Variants in MAK16 observed in about 807,000 individuals in gnomAD.
MAK16 encodes the protein protein MAK16 homolog.
Under a neutral mutation model 49.9 loss-of-function variants are expected in MAK16, and 12 were observed. The observed-to-expected ratio is 0.24, with a 90% CI of 0.15 to 0.39. MAK16 has a LOEUF of 0.39. Among genes scored for constraint, MAK16 ranks in the 10% least tolerant of loss-of-function variants. The pLI is 1.00. For synonymous variants in MAK16, 115 were observed against 126.4 expected, an observed-to-expected ratio of 0.91 and a Z score of 0.60; for missense variants, 292 against 363.7, an observed-to-expected ratio of 0.80 and a Z score of 1.60.
intron 9 of MAK16, among the ~76,000 whole-genome samples, chr8:33,497,549 A>G (rs145759473): frequency 0.012 from 1,846 of 151,924 alleles, 44 homozygotes; most frequent in African/African-American, 0.042. Context: ...CTAGAGTGCC[A>G]TAGTGCAATC....
chr8:33,497,639 T>C (rs1808896375), intron 9 of MAK16, among the ~76,000 whole-genome samples: 1 of 151,874 alleles, frequency 6.6e-6, no homozygotes, highest in Non-Finnish European at 1.5e-5. Context: ...ATTACAGGCA[T>C]GTGCCACTCC....
intron 6 of MAK16, among the ~76,000 whole-genome samples, chr8:33,494,869 C>T (rs1447098721): frequency 2.6e-5 from 4 of 152,070 alleles, no homozygotes; most frequent in Non-Finnish European, 4.4e-5. Flanking sequence ...AGTTCCGCCT[C>T]CTGGGTTCAC....
chr8:33,486,576 G>T (rs1467040826), intron 1 of MAK16, among the ~76,000 whole-genome samples: 2 of 152,292 alleles, frequency 1.3e-5, no homozygotes, highest in Admixed American at 1.3e-4. Flanking sequence ...TTTTAAAAAC[G>T]AAAGTGGCTT....
intron 6 of MAK16, among the ~76,000 whole-genome samples, chr8:33,492,537 CTT>C (rs1488895099): frequency 6.6e-6 from 1 of 152,078 alleles, no homozygotes; most frequent in Non-Finnish European, 1.5e-5. Flanking sequence ...AGTTGGAGGT[CTT>C]AGTTTTTTAA....
At chr8:33,486,123 G>T (rs1808683204) in intron 1 of MAK16, among the ~76,000 whole-genome samples, 1 of 152,218 alleles carries the variant, frequency 6.6e-6, no homozygotes, top group African/African-American at 2.4e-5. Flanking sequence ...ATGCTTGCCA[G>T]GGCGAGGTCA....
chr8:33,495,711 TTTTTTTTTTTTTTTTTTTTTTTTG>T lies in MAK16; in HGVS notation c.522+96_522+119del, dbSNP rs1808847700. On this transcript the variant is annotated intron_variant, in intron 7 of 9. Coordinates refer to ENST00000360128, the MANE Select transcript of MAK16 (RefSeq NM_032509.4). Reference sequence around the variant, plus strand: ...TTTTTTTTTTTTTTTTTTTTTTTTTTTTTTTTTTTTTTTTTTTTTTTTTGAGATGGAGTCTTGCTTTGTTGCCCA... The same window carrying T: ...TTTTTTTTTTTTTTTTTTTTTTTTTTAGATGGAGTCTTGCTTTGTTGCCCA... 7 of 529,862 alleles carry T rather than the reference TTTTTTTTTTTTTTTTTTTTTTTTG, an allele frequency of 1.3e-5. No homozygotes were observed. The African/African-American group carries it at 2.0e-4, about 15-fold the overall frequency. The allele number at this position is 529,862 out of a possible 1,614,324, so 32.8% of individuals were successfully genotyped here.
chr8:33,490,184 C>T, intron 5 of MAK16, 101 bp from the exon 6 acceptor site: 3 of 929,194 alleles, frequency 3.2e-6, no homozygotes, highest in East Asian at 5.0e-5. Context: ...CATGAGTAGA[C>T]TTCCATTTTA....
At position 33,499,771 on chromosome 8, in the gene MAK16, T is replaced by G. The variant is rs1808997087; in HGVS notation, c.*1142T>G. 6.1e-6 allele frequency: 1 copy of G among 163,184 alleles called. No individual in the cohort carries two copies. The highest frequency in any genetic ancestry group is 2.4e-5 in the African/African-American group (1 of 41,486). The allele number at this position is 163,184 out of a possible 1,614,324, so 10.1% of individuals were successfully genotyped here. Reference sequence around the variant, plus strand: ...AAAGATTTCTAAAAGGGGTAAGAAATGAGGCAGTAGTTTATTAAATACATA... The same window carrying G: ...AAAGATTTCTAAAAGGGGTAAGAAAGGAGGCAGTAGTTTATTAAATACATA... On this transcript the variant is annotated 3_prime_UTR_variant, in exon 10 of 10. Transcript: ENST00000360128.
Position 33,498,665 on chromosome 8 carries a change from G to T in MAK16, c.*36G>T. ...AGCATTTATACCCAGGACTGAACATGCAGAACTGTTTTTTTTTTTTTTTTA... is the reference window on the plus strand; with the variant it reads ...AGCATTTATACCCAGGACTGAACATTCAGAACTGTTTTTTTTTTTTTTTTA... On this transcript the variant is annotated 3_prime_UTR_variant, in exon 10 of 10. Transcript: ENST00000360128. 1 of 1,440,156 alleles carries T rather than the reference G, an allele frequency of 6.9e-7. No homozygotes were observed. The highest frequency in any genetic ancestry group is 9.5e-7 in the Non-Finnish European group (1 of 1,055,242). The allele number at this position is 1,440,156 out of a possible 1,614,324, so 89.2% of individuals were successfully genotyped here. A position where few individuals can be genotyped will look rare whatever the true frequency, so the allele number is the denominator to read the frequency against.
chr8:33,490,639 T>C (rs1226556491), intron 6 of MAK16, among the ~76,000 whole-genome samples: 2 of 152,222 alleles, frequency 1.3e-5, no homozygotes, highest in African/African-American at 2.4e-5. Context: ...TTGCATATTT[T>C]ACATACTACA....
intron 1 of MAK16, 106 bp downstream of exon 1, chr8:33,485,327 G>A: frequency 6.8e-7 from 1 of 1,460,762 alleles, no homozygotes; most frequent in Non-Finnish European, 9.6e-7. Context: ...GCCTCGTGCC[G>A]CTCTGGATGT....
chr8:33,486,773 G>T lies in MAK16; in HGVS notation c.15+1552G>T, dbSNP rs77769813. Among the ~76,000 whole-genome samples the T allele has an allele frequency of 3.7e-3, 564 of 152,256 alleles. 14 individuals are homozygous for T. The East Asian group carries it at 0.072, about 20-fold the overall frequency. On this transcript the variant is annotated intron_variant, in intron 1 of 9. Transcript: ENST00000360128. ...TATTTATTGAAGTGGGGGAACTCTA[G>T]GGAAGACTGTTCTTACGAGGGATGT...
chr8:33,495,818 G>C (rs1808850687), intron 7 of MAK16, among the ~76,000 whole-genome samples: 1 of 141,980 alleles, frequency 7.0e-6, no homozygotes, highest in Admixed American at 7.7e-5. Context: ...CCAAGTTCAA[G>C]CAATTCTCCT....
Position 33,499,147 on chromosome 8 carries a change from T to C in MAK16, c.*518T>C. On this transcript the variant is annotated 3_prime_UTR_variant, in exon 10 of 10. Transcript: ENST00000360128. The stretch of plus-strand genomic sequence containing the variant: ...CAAATTGGGATGGGAAGAAAATCCT[T>C]TCCTCTTGGGAAAGTAATACAAGTC... The C allele has an allele frequency of 1.3e-6, 2 of 1,574,066 alleles. No individual in the cohort carries two copies. Among genetic ancestry groups the C allele is most frequent in the Non-Finnish European group, 1.7e-6 (2 of 1,143,572 alleles).
chr8:33,485,418 G>C (rs1808670503), intron 1 of MAK16, 197 bp downstream of exon 1: 1 of 694,484 alleles, frequency 1.4e-6, no homozygotes, highest in Non-Finnish European at 2.5e-6. Flanking sequence ...CCCCGGCCGG[G>C]TTGTGAGCAC....
chr8:33,495,725 T>C, intron 7 of MAK16, 109 bp downstream of exon 7: 1 of 448,300 alleles, frequency 2.2e-6, no homozygotes, highest in East Asian at 5.2e-5. Context: ...TTTTTTTTTT[T>C]TTTTTTTTTG....
In MAK16 at chr8:33,498,553, T is replaced by G. The variant is rs755576086; in HGVS notation, c.827T>G (p.Leu276Arg). ...GGCAAAATGCCCTTGAGAGGACCAC[T>G]GCAGAGAAAACGAGCCTATGTGGAA... ...HKGKMPLRGP[L>R]QRKRAYVEIE... is the part of the protein sequence containing the mutation. Residue 276 changes from leucine to arginine, a missense_variant, in exon 10 of 10, where the codon CTG becomes CGG. Physicochemically the swap from Leu to Arg is moderately radical, Grantham distance 102. Transcript: ENST00000360128. 18 of 1,613,906 alleles carry G rather than the reference T, an allele frequency of 1.1e-5. No individual in the cohort carries two copies. The highest frequency in any genetic ancestry group is 2.2e-5 in the East Asian group (1 of 44,870).
chr8:33,488,803 G>A lies in MAK16; in HGVS notation c.240+5G>A, dbSNP rs1400082893. The A allele has an allele frequency of 1.2e-6, 2 of 1,614,124 alleles. No individual in the cohort carries two copies. Among genetic ancestry groups the A allele is most frequent in the African/African-American group, 2.7e-5 (2 of 75,036 alleles). Reference sequence around the variant, plus strand: ...CCTCGGCGTCTCTGGGAACGGGTAAGCCTTACAACAAAACTACAGTGACCG... The same window carrying A: ...CCTCGGCGTCTCTGGGAACGGGTAAACCTTACAACAAAACTACAGTGACCG... On this transcript the variant is annotated splice_donor_5th_base_variant and intron_variant, in intron 4 of 9. Transcript: ENST00000360128.
intron 6 of MAK16, among the ~76,000 whole-genome samples, chr8:33,493,726 A>G (rs183246636): frequency 5.5e-4 from 84 of 152,230 alleles, no homozygotes; most frequent in African/African-American, 2.0e-3. Flanking sequence ...AGAAGAAATT[A>G]ATTTTTTCTA....
Sources: gnomAD v4.1 joint callset for allele counts (sites outside exome capture counted in the v4.1 genomes callset) on GRCh38, gnomAD v4.1.1 for gene constraint, MANE v1.5 for transcripts, NCBI Gene and HGNC (gene_info 2026-07-23, HGNC 2026-07-21) for gene names.